Variants in S100PBP observed in about 807,000 individuals in gnomAD.
The protein encoded by S100PBP is S100P-binding protein.
A neutral mutation model predicts 39.9 loss-of-function variants in S100PBP; 15 were observed. The ratio of observed to expected loss-of-function variants is 0.38; its 90% CI spans 0.25 to 0.58. The LOEUF (loss-of-function observed/expected upper bound fraction) is 0.58, where lower values mean the gene tolerates loss of function less well. S100PBP is among the 20% of genes least tolerant of loss of function. S100PBP has a pLI of 0.70. For synonymous variants in S100PBP, 178 were observed against 180.3 expected (o/e 0.99, Z 0.10); for missense variants, 504 against 487.3 (o/e 1.03, Z -0.32).
intron 5 of S100PBP, chr1:32,833,964 AT>A: frequency 4.6e-6 from 1 of 218,834 alleles, no homozygotes; most frequent in East Asian, 1.5e-4. Context: ...GATTGTGTCC[AT>A]TTTCATTAGT....
chr1:32,827,011 T>C, intron 3 of S100PBP, 81 bp downstream of exon 3: 6 of 912,156 alleles, frequency 6.6e-6, no homozygotes, highest in Non-Finnish European at 9.8e-6. Context: ...ATATACCTGC[T>C]ATCTCCACAC....
In S100PBP at chr1:32,817,669, G is replaced by A; in HGVS notation, c.-140G>A. Reference sequence around the variant, plus strand: ...GAGTGAGGCGCAGTCGTTCGCCCAGGCTTTGGCCCGGCTTCCGGAGGTGAA... The same window carrying A: ...GAGTGAGGCGCAGTCGTTCGCCCAGACTTTGGCCCGGCTTCCGGAGGTGAA... On this transcript the variant is annotated 5_prime_UTR_variant, in exon 1 of 7. Transcript: ENST00000373475. 1 of 241,098 alleles carries A rather than the reference G, an allele frequency of 4.1e-6. No individual in the cohort carries two copies. The highest frequency in any genetic ancestry group is 9.7e-5 in the East Asian group (1 of 10,302). 14.9% of individuals were successfully genotyped at this position (241,098 alleles called of 1,614,324 possible).
At chr1:32,827,526 C>A (rs1417879807) in intron 3 of S100PBP, among the ~76,000 whole-genome samples, 1 of 152,100 alleles carries the variant, frequency 6.6e-6, no homozygotes, top group Non-Finnish European at 1.5e-5. Flanking sequence ...CTCTGTCCCT[C>A]AGGCTGCAGT....
chr1:32,830,449 C>T (rs1267324044), intron 5 of S100PBP, among the ~76,000 whole-genome samples: 1 of 152,178 alleles, frequency 6.6e-6, no homozygotes, highest in East Asian at 1.9e-4. Flanking sequence ...TCTCCTGTTA[C>T]CTTCAGCATT....
chr1:32,827,130 T>A (rs952291939), intron 3 of S100PBP, among the ~76,000 whole-genome samples, 200 bp downstream of exon 3: 1 of 152,224 alleles, frequency 6.6e-6, no homozygotes, highest in Non-Finnish European at 1.5e-5. Flanking sequence ...TGACTAGCAC[T>A]GTGACCCTGG....
In S100PBP at chr1:32,845,829, C is replaced by T. The variant is rs576502531; in HGVS notation, c.1025-7250C>T. 3.3e-5 allele frequency among the ~76,000 whole-genome samples: 5 copies of T among 151,688 alleles called. No homozygotes were observed. In the South Asian group the frequency reaches 6.2e-4, roughly 19 times the overall value. On this transcript the variant is annotated intron_variant, in intron 5 of 6. Coordinates refer to ENST00000373475, the MANE Select transcript of S100PBP (RefSeq NM_022753.4). ...AGTAGCTGGGACTACAGGTGTGTGC[C>T]GCCAAGCCTGGCTAATTTTTTGTAT...
chr1:32,849,890 T>C (rs978475369), intron 5 of S100PBP, among the ~76,000 whole-genome samples: 1 of 152,208 alleles, frequency 6.6e-6, no homozygotes, highest in Non-Finnish European at 1.5e-5. Flanking sequence ...TTATATACTT[T>C]TGTCTGTAAA....
rs1638801340 is a variant in S100PBP at position 32,817,680 on chromosome 1, G to C, written c.-129G>C. On this transcript the variant is annotated 5_prime_UTR_variant, in exon 1 of 7. Transcript: ENST00000373475. Reference sequence around the variant, plus strand: ...AGTCGTTCGCCCAGGCTTTGGCCCGGCTTCCGGAGGTGAAGAGCGGGAGGG... The same window carrying C: ...AGTCGTTCGCCCAGGCTTTGGCCCGCCTTCCGGAGGTGAAGAGCGGGAGGG... The C allele has an allele frequency of 8.7e-6, 2 of 230,410 alleles. No homozygotes were observed. The highest frequency in any genetic ancestry group is 1.8e-5 in the Non-Finnish European group (2 of 112,454). 14.3% of individuals were successfully genotyped at this position (230,410 alleles called of 1,614,324 possible).
chr1:32,844,697 T>G (rs1022619877), intron 5 of S100PBP, among the ~76,000 whole-genome samples: 1 of 152,040 alleles, frequency 6.6e-6, no homozygotes, highest in Admixed American at 6.5e-5. Context: ...AATGGGATTA[T>G]GAGCATGAGC....
At chr1:32,831,295 G>T (rs1639587530) in intron 5 of S100PBP, among the ~76,000 whole-genome samples, 1 of 151,816 alleles carries the variant, frequency 6.6e-6, no homozygotes. Context: ...TACATATAAA[G>T]TACAGTAGGA....
rs191320774 is a variant in S100PBP, at chr1:32,829,561, C to A, written c.921-403C>A. Among the ~76,000 whole-genome samples, 412 of 152,278 alleles carry A rather than the reference C, an allele frequency of 2.7e-3. 1 individual carries two copies. The highest frequency in any genetic ancestry group is 4.8e-3 in the Admixed American group (74 of 15,288). On this transcript the variant is annotated intron_variant, in intron 4 of 6. Coordinates refer to ENST00000373475, the MANE Select transcript of S100PBP (RefSeq NM_022753.4). ...CACAGCAGCCTTGAACTCGTGGACT[C>A]AAGTCATCCTCCCTCCTCAGCCTCC...
chr1:32,851,898 AT>A (rs1169970045), intron 5 of S100PBP, among the ~76,000 whole-genome samples: 1 of 152,166 alleles, frequency 6.6e-6, no homozygotes, highest in African/African-American at 2.4e-5. Context: ...TAGGGAAATT[AT>A]TTCCTAACTA....
rs1640841257 is a variant in S100PBP, at chr1:32,857,102, A to C, written c.*1064A>C. 6.6e-6 allele frequency: 1 copy of C among 152,136 alleles called. No individual in the cohort carries two copies. Among genetic ancestry groups the C allele is most frequent in the South Asian group, 2.1e-4 (1 of 4,826 alleles). 9.4% of individuals were successfully genotyped at this position (152,136 alleles called of 1,614,324 possible). On this transcript the variant is annotated 3_prime_UTR_variant, in exon 7 of 7. Coordinates refer to ENST00000373475, the MANE Select transcript of S100PBP (RefSeq NM_022753.4). ...TGGAAAGGCACTCTTTTTTCTCCATATTAGTTAACAAGAGGTGTCTTTAGG... is the reference window on the plus strand; with the variant it reads ...TGGAAAGGCACTCTTTTTTCTCCATCTTAGTTAACAAGAGGTGTCTTTAGG...
At chr1:32,827,654 GTA>G (rs923321899) in intron 3 of S100PBP, among the ~76,000 whole-genome samples, 1 of 151,940 alleles carries the variant, frequency 6.6e-6, no homozygotes, top group Non-Finnish European at 1.5e-5. Context: ...GCTAATTTTT[GTA>G]TTTTAGTGGA....
intron 5 of S100PBP, among the ~76,000 whole-genome samples, chr1:32,842,386 T>G (rs785278): frequency 2.6e-5 from 4 of 151,286 alleles, no homozygotes; most frequent in Non-Finnish European, 1.5e-5. Context: ...TCAAAAATCA[T>G]TTGTCTCTAG....
chr1:32,852,834 C>G (rs572419810), intron 5 of S100PBP: 1 of 446,932 alleles, frequency 2.2e-6, no homozygotes, highest in South Asian at 2.5e-5. Context: ...GTAAAGTTCC[C>G]TGTATATTGT....
chr1:32,834,425 G>A (rs1288112604), intron 5 of S100PBP, among the ~76,000 whole-genome samples: 1 of 152,220 alleles, frequency 6.6e-6, no homozygotes, highest in South Asian at 2.1e-4. Context: ...TCTGTTTCTT[G>A]TGGTATCATT....
chr1:32,855,412 A>C (rs1640780902), intron 6 of S100PBP, among the ~76,000 whole-genome samples: 1 of 152,142 alleles, frequency 6.6e-6, no homozygotes, highest in African/African-American at 2.4e-5. Flanking sequence ...TTTTACTGTG[A>C]GTCTGTGCTG....
At chr1:32,844,339 T>C (rs1640258256) in intron 5 of S100PBP, among the ~76,000 whole-genome samples, 1 of 152,084 alleles carries the variant, frequency 6.6e-6, no homozygotes, top group Non-Finnish European at 1.5e-5. Context: ...GTGTGAGCCA[T>C]TGTGCCCGAA....
Sources: gnomAD v4.1 joint callset for allele counts (sites outside exome capture counted in the v4.1 genomes callset) on GRCh38, gnomAD v4.1.1 for gene constraint, MANE v1.5 for transcripts, NCBI Gene and HGNC (gene_info 2026-07-23, HGNC 2026-07-21) for gene names.